The following KAT8 variants were observed in gnomAD, a reference collection of about 807,000 sequenced individuals.
The protein encoded by KAT8 is histone acetyltransferase KAT8.
A neutral mutation model predicts 62.9 loss-of-function variants in KAT8; 40 were observed. That is an observed-to-expected ratio of 0.64 (90% CI 0.49 to 0.83). KAT8 has a LOEUF of 0.83. Among genes scored for constraint, KAT8 ranks in the 40% least tolerant of loss-of-function variants. The pLI is 0.00. For synonymous variants in KAT8, 278 were observed against 254.5 expected (o/e 1.09, Z -0.88); for missense variants, 387 against 614.8 (o/e 0.63, Z 3.92).
At chr16:31,124,175 C>T (rs959414769) in intron 3 of KAT8, 8 of 152,218 alleles carry the variant, frequency 5.3e-5, no homozygotes, top group Non-Finnish European at 1.5e-5. Flanking sequence ...TCTTCCTCAT[C>T]TTTACAGTGG....
At position 31,127,040 on chromosome 16, in the gene KAT8, T is replaced by C. The variant is rs201233833; in HGVS notation, c.468T>C (p.Tyr156=). The C allele has an allele frequency of 2.0e-5, 33 of 1,614,198 alleles. No homozygotes were observed. The East Asian group carries it at 4.0e-4, about 20-fold the overall frequency. The change falls in exon 4 of 11, where the codon TAT becomes TAC. Residue 156 remains tyrosine, a synonymous_variant. Coordinates refer to ENST00000219797, the MANE Select transcript of KAT8 (RefSeq NM_032188.3). ...HDEINHVQKT[Y]AEMDPTTAAL... is the part of the protein sequence containing the mutation. Reference sequence around the variant, plus strand: ...ACTTTTCTTTCCTGGCCCAGACTTATGCAGAGATGGACCCCACCACAGCAG... The same window carrying C: ...ACTTTTCTTTCCTGGCCCAGACTTACGCAGAGATGGACCCCACCACAGCAG...
rs117396776 is a variant in KAT8, at chr16:31,127,456, C to G, written c.681+103C>G. The G allele has an allele frequency of 0.012, 14,753 of 1,246,924 alleles. 1,032 individuals are homozygous for G. The Admixed American group carries it at 0.17, about 14-fold the overall frequency. 77.2% of individuals were successfully genotyped at this position (1,246,924 alleles called of 1,614,324 possible). ...TGCGCCGGCAGCTCCAGGGAGGAGA[C>G]AGGCCCAAAGGAGCGAGTACAGGGA... On this transcript the variant is annotated intron_variant, in intron 5 of 10. Coordinates refer to ENST00000219797, the MANE Select transcript of KAT8 (RefSeq NM_032188.3).
At chr16:31,127,398 G>A in intron 5 of KAT8, 45 bp downstream of exon 5, 1 of 1,604,120 alleles carries the variant, frequency 6.2e-7, no homozygotes, top group Non-Finnish European at 8.5e-7. Context: ...GGCCCGGTGA[G>A]AGGCAGAGGC....
In KAT8 at chr16:31,127,200, G is replaced by GA; in HGVS notation, c.530dup (p.Tyr178ValfsTer13). 1 of 1,614,262 alleles carries GA rather than the reference G, an allele frequency of 6.2e-7. No individual in the cohort carries two copies. Among genetic ancestry groups the GA allele is most frequent in the Non-Finnish European group, 8.5e-7 (1 of 1,180,050 alleles). On this transcript the variant is annotated frameshift_variant, in exon 5 of 11. Coordinates refer to ENST00000219797, the MANE Select transcript of KAT8 (RefSeq NM_032188.3). LOFTEE classifies it high-confidence loss of function. ...CACCCTGCCTGCAGATCACCAAGGT[G>GA]AAGTATGTGGACAAGATCCACATCG...
chr16:31,129,881 G>A (rs943045424), intron 6 of KAT8, 136 bp from the exon 7 acceptor site: 21 of 954,450 alleles, frequency 2.2e-5, no homozygotes, highest in Non-Finnish European at 2.8e-5. Flanking sequence ...GAGGCTGACC[G>A]AAGACTCCTT....
chr16:31,126,084 C>G (rs1226178188), intron 3 of KAT8: 2 of 152,186 alleles, frequency 1.3e-5, no homozygotes, highest in African/African-American at 4.8e-5. Flanking sequence ...ACAACAGTGA[C>G]AAAGGATAGA....
At chr16:31,129,988 G>A in intron 6 of KAT8, 29 bp from the exon 7 acceptor site, 1 of 1,613,220 alleles carries the variant, frequency 6.2e-7, no homozygotes, top group South Asian at 1.1e-5. Context: ...CCTGCCCCCT[G>A]AGCCTGTCTC....
At chr16:31,123,800 C>T (rs1274817180) in intron 3 of KAT8, 2 of 152,260 alleles carry the variant, frequency 1.3e-5, no homozygotes, top group Non-Finnish European at 2.9e-5. Flanking sequence ...GCGTGAGCCA[C>T]CACGTTTAGC....
chr16:31,126,940 T>C, intron 3 of KAT8, 95 bp from the exon 4 acceptor site: 1 of 1,324,982 alleles, frequency 7.5e-7, no homozygotes, highest in Non-Finnish European at 1.1e-6. Context: ...GAATGAGGTC[T>C]GGTAGACGGC....
chr16:31,126,364 C>G (rs2057531106), intron 3 of KAT8: 1 of 152,588 alleles, frequency 6.6e-6, no homozygotes, highest in Non-Finnish European at 1.5e-5. Flanking sequence ...AGAGAGGGCC[C>G]AATTCCAGAG....
rs774073107 is a variant in KAT8 at position 31,127,359 on chromosome 16, G to C, written c.681+6G>C. ...AGAGCTACCGCTTCCACTTGGTGAGGCTGGGCCGGCCGGGCCGAGCTGGGC... is the reference window on the plus strand; with the variant it reads ...AGAGCTACCGCTTCCACTTGGTGAGCCTGGGCCGGCCGGGCCGAGCTGGGC... On this transcript the variant is annotated splice_donor_region_variant and intron_variant, in intron 5 of 10. Coordinates refer to ENST00000219797, the MANE Select transcript of KAT8 (RefSeq NM_032188.3). 2.5e-6 allele frequency: 4 copies of C among 1,613,824 alleles called. No homozygotes were observed. In the South Asian group the frequency reaches 3.3e-5, roughly 13 times the overall value.
Position 31,128,044 on chromosome 16 carries a change from G to A in KAT8, c.682-6G>A, listed in dbSNP as rs374531693. 2.0e-5 allele frequency: 32 copies of A among 1,613,280 alleles called. No homozygotes were observed. In the South Asian group the frequency reaches 2.7e-4, roughly 14 times the overall value. ...GCAGCGAACCTGTTCTCTTGTCCCC[G>A]ACCAGGGTCAGTGCCAGTGGCGGCA... On this transcript the variant is annotated splice_polypyrimidine_tract_variant and splice_region_variant and intron_variant, in intron 5 of 10. Coordinates refer to ENST00000219797, the MANE Select transcript of KAT8 (RefSeq NM_032188.3).
chr16:31,126,924 A>G (rs2057535543), intron 3 of KAT8, 111 bp from the exon 4 acceptor site: 3 of 1,176,606 alleles, frequency 2.5e-6, no homozygotes, highest in East Asian at 4.7e-5. Flanking sequence ...TATTATTGCC[A>G]TCCAGGAATG....
Position 31,130,487 on chromosome 16 carries a change from C to A in KAT8, c.1038C>A (p.Val346=), listed in dbSNP as rs757723541. 1 of 1,614,110 alleles carries A rather than the reference C, an allele frequency of 6.2e-7. No individual in the cohort carries two copies. Residue 346 remains valine (V), a synonymous_variant, in exon 9 of 11, where the codon GTC becomes GTA. Transcript: ENST00000219797. ...SYELSKLEST[V]GSPEKPLSDL... is the part of the protein sequence containing the mutation. ...AGCTCTCCAAGCTGGAGAGCACAGT[C>A]GGCTCCCCGGAGAAGCCACTGTCTG...
At position 31,117,911 on chromosome 16, in the gene KAT8, G is replaced by C. The variant is rs2057461016; in HGVS notation, c.211+19G>C. Reference sequence around the variant, plus strand: ...ACCTGGCGTGAGGGCGGGGCCCAGGGCTGGGGGCGGGGCGGAGCTCAGGGC... The same window carrying C: ...ACCTGGCGTGAGGGCGGGGCCCAGGCCTGGGGGCGGGGCGGAGCTCAGGGC... On this transcript the variant is annotated intron_variant, in intron 1 of 10. Coordinates refer to ENST00000219797, the MANE Select transcript of KAT8 (RefSeq NM_032188.3). 1.5e-6 allele frequency: 2 copies of C among 1,330,486 alleles called. No individual in the cohort carries two copies. Among genetic ancestry groups the C allele is most frequent in the South Asian group, 3.8e-5 (2 of 52,842 alleles). 82.4% of individuals were successfully genotyped at this position (1,330,486 alleles called of 1,614,324 possible).
chr16:31,118,060 G>A, intron 1 of KAT8, 168 bp downstream of exon 1: 3 of 502,808 alleles, frequency 6.0e-6, no homozygotes, highest in Non-Finnish European at 9.7e-6. Flanking sequence ...TGAGAAACCA[G>A]CCGGGTTGTG....
rs374184453 is a variant in KAT8, at chr16:31,129,977, G to A, written c.772-40G>A. Reference sequence around the variant, plus strand: ...CTGGAACCAGCTGGGTGGGGCCTGTGCCTGCCCCCTGAGCCTGTCTCCCCC... The same window carrying A: ...CTGGAACCAGCTGGGTGGGGCCTGTACCTGCCCCCTGAGCCTGTCTCCCCC... On this transcript the variant is annotated intron_variant, in intron 6 of 10. Transcript: ENST00000219797. 42 of 1,610,150 alleles carry A rather than the reference G, an allele frequency of 2.6e-5. No individual in the cohort carries two copies. The African/African-American group carries it at 5.2e-4, about 20-fold the overall frequency.
intron 5 of KAT8, 110 bp from the exon 6 acceptor site, chr16:31,127,939 GA>G: frequency 3.9e-6 from 3 of 761,144 alleles, no homozygotes; most frequent in Non-Finnish European, 6.9e-6. Context: ...GTGAAGTGTT[GA>G]GGGGGGAAAC....
intron 3 of KAT8, among the ~76,000 whole-genome samples, chr16:31,124,496 G>T (rs1236756323): frequency 6.6e-6 from 1 of 151,708 alleles, no homozygotes; most frequent in Non-Finnish European, 1.5e-5. Flanking sequence ...ACAAAAAGAG[G>T]CCAGGCGCAG....
Sources: gnomAD v4.1 joint callset for allele counts (sites outside exome capture counted in the v4.1 genomes callset) on GRCh38, gnomAD v4.1.1 for gene constraint, MANE v1.5 for transcripts, NCBI Gene and HGNC (gene_info 2026-07-23, HGNC 2026-07-21) for gene names.